Variants in RBMS3 observed in about 807,000 individuals in gnomAD.
RBMS3 encodes the protein RNA binding motif single stranded interacting protein 3.
Under a neutral mutation model 66.8 loss-of-function variants are expected in RBMS3, and 27 were observed. The observed-to-expected ratio is 0.40, with a 90% CI of 0.30 to 0.56. The LOEUF is 0.56. RBMS3 is among the 20% of genes least tolerant of loss of function. The pLI is 0.40. For missense variants in RBMS3, 513 were observed against 549.5 expected (o/e 0.93, Z 0.66); for synonymous variants, 188 against 183.0 (o/e 1.03, Z -0.22).
chr3:29,551,686 CAT>C, intron 3 of RBMS3, among the ~76,000 whole-genome samples: 1 of 152,146 alleles, frequency 6.6e-6, no homozygotes, highest in South Asian at 2.1e-4. Context: ...TAGGAAAAAA[CAT>C]ATTTTACTTT....
At chr3:29,731,967 G>A (rs142954154) in intron 4 of RBMS3, among the ~76,000 whole-genome samples, 15 of 148,418 alleles carry the variant, frequency 1.0e-4, no homozygotes, top group Admixed American at 4.0e-4. Flanking sequence ...CTGTACCTCC[G>A]TCCCTTTACC....
rs1293849433 is a variant in RBMS3 at position 29,710,677 on chromosome 3, G to C, written c.400-29043G>C. On this transcript the variant is annotated intron_variant, in intron 4 of 14. Transcript: ENST00000383767. Reference sequence around the variant, plus strand: ...GAAAACCATAATCCGTCTCATTTCAGTGAATTCCCTTCATCCAGTTTAACT... The same window carrying C: ...GAAAACCATAATCCGTCTCATTTCACTGAATTCCCTTCATCCAGTTTAACT... Among the ~76,000 whole-genome samples, 4 of 152,096 alleles carry C rather than the reference G, an allele frequency of 2.6e-5. No homozygotes were observed. The South Asian group carries it at 8.3e-4, about 32-fold the overall frequency.
intron 6 of RBMS3, among the ~76,000 whole-genome samples, chr3:29,764,141 G>A (rs1402210023): frequency 6.6e-6 from 1 of 151,984 alleles, no homozygotes; most frequent in African/African-American, 2.4e-5. Flanking sequence ...TGTCAAGAAT[G>A]CAGAAAGACC....
At chr3:29,968,472 A>G (rs1697000493) in intron 12 of RBMS3, among the ~76,000 whole-genome samples, 3 of 152,138 alleles carry the variant, frequency 2.0e-5, no homozygotes, top group Admixed American at 6.6e-5. Flanking sequence ...CTGTGGTGCC[A>G]GGCAGGAATG....
intron 1 of RBMS3, among the ~76,000 whole-genome samples, chr3:29,292,422 TA>T (rs1488244862): frequency 2.6e-5 from 4 of 151,908 alleles, no homozygotes; most frequent in Non-Finnish European, 5.9e-5. Flanking sequence ...AAAATAGAAA[TA>T]ACTACTATTT....
intron 4 of RBMS3, among the ~76,000 whole-genome samples, chr3:29,646,107 A>G (rs2049909821): frequency 6.6e-6 from 1 of 152,228 alleles, no homozygotes. Context: ...ATGCCTGTTT[A>G]AATTGAAATT....
At chr3:29,310,093 G>A (rs940732846) in intron 1 of RBMS3, among the ~76,000 whole-genome samples, 47 of 151,648 alleles carry the variant, frequency 3.1e-4, no homozygotes, top group African/African-American at 1.0e-3. Context: ...TAAATCCTGG[G>A]TCGAGGGGGC....
chr3:29,446,386 A>G (rs1419135369), intron 2 of RBMS3, among the ~76,000 whole-genome samples: 1 of 152,148 alleles, frequency 6.6e-6, no homozygotes, highest in Non-Finnish European at 1.5e-5. Flanking sequence ...CAAAAAGCAC[A>G]TATTTTGATT....
chr3:29,643,008 C>A (rs1035568948), intron 4 of RBMS3, among the ~76,000 whole-genome samples: 1 of 152,108 alleles, frequency 6.6e-6, no homozygotes, highest in African/African-American at 2.4e-5. Context: ...TGTCTGGTAG[C>A]ATTTTCTTAA....
At chr3:29,855,144 A>G (rs1488455759) in intron 6 of RBMS3, among the ~76,000 whole-genome samples, 2 of 152,178 alleles carry the variant, frequency 1.3e-5, no homozygotes, top group African/African-American at 4.8e-5. Context: ...ATGCTACTCT[A>G]TGCCAGATTT....
chr3:29,307,566 C>T lies in RBMS3; in HGVS notation c.75+25810C>T, dbSNP rs556601057. The stretch of plus-strand genomic sequence containing the variant: ...TCACCACAGTGTGCTATTGGTGTTT[C>T]CTTGGGACCATGATGTTGTTCAGTG... On this transcript the variant is annotated intron_variant, in intron 1 of 14. Transcript: ENST00000383767. Among the ~76,000 whole-genome samples, 10 of 151,900 alleles carry T rather than the reference C, an allele frequency of 6.6e-5. No individual in the cohort carries two copies. The East Asian group carries it at 1.2e-3, about 18-fold the overall frequency.
chr3:29,540,781 A>G (rs753793310), intron 3 of RBMS3, among the ~76,000 whole-genome samples: 8 of 152,242 alleles, frequency 5.3e-5, no homozygotes, highest in South Asian at 2.1e-4. Flanking sequence ...ACACAGGCCT[A>G]TGGGTTTCGG....
Position 29,936,811 on chromosome 3 carries a change from GC to G in RBMS3, c.1050+617del, listed in dbSNP as rs533208995. On this transcript the variant is annotated intron_variant, in intron 11 of 14. Coordinates refer to ENST00000383767, the MANE Select transcript of RBMS3 (RefSeq NM_001003793.3). ...AGTGTGCTGAAAAATGCCTATTGCAGCCTGGATTTTGTATCAATGAGGCATT... is the reference window on the plus strand; with the variant it reads ...AGTGTGCTGAAAAATGCCTATTGCAGCTGGATTTTGTATCAATGAGGCATT... Among the ~76,000 whole-genome samples the G allele has an allele frequency of 4.0e-3, 611 of 152,140 alleles. 5 individuals are homozygous for G. The highest frequency in any genetic ancestry group is 5.8e-3 in the Non-Finnish European group (397 of 67,986).
intron 4 of RBMS3, among the ~76,000 whole-genome samples, chr3:29,696,168 C>T (rs1237126805): frequency 1.3e-5 from 2 of 152,204 alleles, no homozygotes; most frequent in African/African-American, 4.8e-5. Flanking sequence ...CCAATTCAAG[C>T]AATCCTGGCT....
chr3:29,403,806 A>T lies in RBMS3; in HGVS notation c.76-30937A>T, dbSNP rs545661807. Reference sequence around the variant, plus strand: ...CCTTGCTTCTGCTTCTAATCTTTGAAAATAATAAAGGAGCCAACATATTTT... The same window carrying T: ...CCTTGCTTCTGCTTCTAATCTTTGATAATAATAAAGGAGCCAACATATTTT... On this transcript the variant is annotated intron_variant, in intron 1 of 14. Transcript: ENST00000383767. Among the ~76,000 whole-genome samples, 5 of 152,264 alleles carry T rather than the reference A, an allele frequency of 3.3e-5. No individual in the cohort carries two copies. In the South Asian group the frequency reaches 1.0e-3, roughly 32 times the overall value.
chr3:29,471,797 C>T (rs1389920534), intron 2 of RBMS3, among the ~76,000 whole-genome samples: 1 of 147,320 alleles, frequency 6.8e-6, no homozygotes, highest in East Asian at 2.0e-4. Flanking sequence ...CAATAAAATC[C>T]AATATGTTAT....
chr3:29,420,083 A>C (rs1235049172), intron 1 of RBMS3, among the ~76,000 whole-genome samples: 2 of 152,216 alleles, frequency 1.3e-5, no homozygotes, highest in African/African-American at 2.4e-5. Flanking sequence ...GTAAAGCAAG[A>C]AATGATGTTA....
intron 3 of RBMS3, among the ~76,000 whole-genome samples, chr3:29,578,813 G>A (rs866768971): frequency 5.0e-5 from 1 of 19,938 alleles, no homozygotes; most frequent in Non-Finnish European, 8.3e-5. Context: ...TTTTTTTTTT[G>A]AGACGGAGTC....
intron 4 of RBMS3, among the ~76,000 whole-genome samples, chr3:29,713,686 T>A (rs974051177): frequency 1.3e-5 from 2 of 152,190 alleles, no homozygotes; most frequent in Non-Finnish European, 2.9e-5. Context: ...TCATATACAG[T>A]GTCTCTGCTT....
Sources: allele counts gnomAD v4.1 joint callset (sites outside exome capture counted in the v4.1 genomes callset), GRCh38; gene constraint gnomAD v4.1.1; transcripts MANE v1.5; gene names NCBI Gene and HGNC (gene_info 2026-07-23, HGNC 2026-07-21).